Variants in TG observed in about 807,000 individuals in gnomAD.
TG encodes the protein thyroid hormones.
A neutral mutation model predicts 324.7 loss-of-function variants in TG; 270 were observed. The ratio of observed to expected loss-of-function variants is 0.83; its 90% CI spans 0.75 to 0.92. The LOEUF (loss-of-function observed/expected upper bound fraction) is 0.92, where lower values mean the gene tolerates loss of function less well. TG is among the 40% of genes least tolerant of loss of function. TG has a pLI of 0.00. For synonymous variants in TG, 1,401 were observed against 1,327.0 expected (o/e 1.06, Z -1.21); for missense variants, 3,591 against 3,456.4 (o/e 1.04, Z -0.98).
intron 17 of TG, 143 bp from the exon 18 acceptor site, chr8:132,908,043 G>C (rs1818938400): frequency 3.2e-6 from 3 of 938,116 alleles, no homozygotes; most frequent in Non-Finnish European, 5.0e-6. Context: ...AAAGTACTTA[G>C]ACTCAGAATG....
chr8:133,052,440 C>T (rs1840587339), intron 41 of TG, among the ~76,000 whole-genome samples: 1 of 152,166 alleles, frequency 6.6e-6, no homozygotes, highest in Admixed American at 6.5e-5. Context: ...GGGATCAGGG[C>T]TTTTGAGAAA....
At position 132,893,921 on chromosome 8, in the gene TG, C is replaced by A. The variant is rs1238833095; in HGVS notation, c.2993C>A (p.Ala998Asp). The change falls in exon 11 of 48, where the codon GCT becomes GAT. Residue 998 changes from alanine (A) to aspartate (D), a missense_variant. Transcript: ENST00000220616. The stretch of plus-strand genomic sequence containing the variant: ...AGTGATTACGCCATTCGCCTGGCGG[C>A]TCAGTCTAGTGAGTGTGGTGCCCTT... ...RGSDYAIRLA[A>D]QSTLSFYQRR... is the part of the protein sequence containing the mutation. 1.9e-6 allele frequency: 3 copies of A among 1,613,906 alleles called. No homozygotes were observed. In the African/African-American group the frequency reaches 4.0e-5, roughly 22 times the overall value.
At position 133,039,045 on chromosome 8, in the gene TG, T is replaced by G. The variant is rs993185838; in HGVS notation, c.7239+9022T>G. On this transcript the variant is annotated intron_variant, in intron 41 of 47. Coordinates refer to ENST00000220616, the MANE Select transcript of TG (RefSeq NM_003235.5). ...ACCATCCACCACCACGCCCAGCTAATTTTTTGTATTTTGAGTAGAGACAGG... is the reference window on the plus strand; with the variant it reads ...ACCATCCACCACCACGCCCAGCTAAGTTTTTGTATTTTGAGTAGAGACAGG... Among the ~76,000 whole-genome samples, 32 of 151,978 alleles carry G rather than the reference T, an allele frequency of 2.1e-4. 1 individual carries two copies. Among genetic ancestry groups the G allele is most frequent in the Non-Finnish European group, 4.6e-4 (31 of 67,960 alleles).
In TG at chr8:132,911,409, T is replaced by C. The variant is rs768024686; in HGVS notation, c.4035T>C (p.Pro1345=). ...CTTTTGGCACCCTGGTTTCCATTCC[T>C]GTCTGCAACAACTCCTCTGTGCAGG... ...VKTFGTLVSI[P]VCNNSSVQVG... The change falls in exon 19 of 48, where the codon CCT becomes CCC. Residue 1345 remains proline (P), a synonymous_variant. Coordinates refer to ENST00000220616, the MANE Select transcript of TG (RefSeq NM_003235.5). The C allele has an allele frequency of 6.2e-7, 1 of 1,614,242 alleles. No homozygotes were observed. Among genetic ancestry groups the C allele is most frequent in the South Asian group, 1.1e-5 (1 of 91,088 alleles).
At chr8:132,921,067 A>G (rs1303838864) in intron 21 of TG, among the ~76,000 whole-genome samples, 1 of 152,180 alleles carries the variant, frequency 6.6e-6, no homozygotes. Flanking sequence ...AAAGAGAGAA[A>G]AATCTCCTGT....
chr8:133,134,619 CAGAGA>C, intron 47 of TG, 52 bp from the exon 48 acceptor site: 1 of 1,461,366 alleles, frequency 6.8e-7, no homozygotes, highest in Non-Finnish European at 9.6e-7. Flanking sequence ...AGGAAGGGAC[CAGAGA>C]AGAGAAGTCC....
At chr8:133,045,061 C>G (rs374316806) in intron 41 of TG, 1 of 1,614,150 alleles carries the variant, frequency 6.2e-7, no homozygotes. Context: ...GTTGGGCAGA[C>G]GGAAAATGCG....
intron 37 of TG, among the ~76,000 whole-genome samples, chr8:133,017,371 A>G (rs1455233729): frequency 6.7e-6 from 1 of 150,060 alleles, no homozygotes; most frequent in African/African-American, 2.5e-5. Context: ...TGAGTAACCC[A>G]CACATCTCAC....
At chr8:132,878,608 C>CAA (rs546557476) in intron 5 of TG, among the ~76,000 whole-genome samples, 1 of 74,698 alleles carries the variant, frequency 1.3e-5, no homozygotes, top group African/African-American at 5.1e-5. Flanking sequence ...GACTCTGTCT[C>CAA]AAAAAAAAAA....
intron 40 of TG, among the ~76,000 whole-genome samples, chr8:133,023,321 G>A (rs1234711436): frequency 1.3e-5 from 2 of 151,962 alleles, no homozygotes; most frequent in Non-Finnish European, 2.9e-5. Flanking sequence ...TTTTTTTGAT[G>A]GGGAGCAGGG....
chr8:132,963,444 T>C (rs1487591151), intron 29 of TG, among the ~76,000 whole-genome samples: 1 of 152,204 alleles, frequency 6.6e-6, no homozygotes, highest in Non-Finnish European at 1.5e-5. Flanking sequence ...AATTGTTTCA[T>C]GAATGACATG....
intron 43 of TG, among the ~76,000 whole-genome samples, chr8:133,111,611 A>G (rs967626403): frequency 6.6e-6 from 1 of 152,106 alleles, no homozygotes; most frequent in Non-Finnish European, 1.5e-5. Flanking sequence ...TAGAATGGAA[A>G]CTCTCAGATG....
At chr8:133,059,966 G>A (rs926095998) in intron 41 of TG, 1 of 882,430 alleles carries the variant, frequency 1.1e-6, no homozygotes, top group Admixed American at 2.9e-5. Context: ...AACAAAACTA[G>A]AGAGACAGAT....
rs1475384202 is a variant in TG, at chr8:132,969,575, C to CT, written c.5975+7dup. On this transcript the variant is annotated splice_region_variant and intron_variant, in intron 32 of 47. Coordinates refer to ENST00000220616, the MANE Select transcript of TG (RefSeq NM_003235.5). The stretch of plus-strand genomic sequence containing the variant: ...GAAAAATCTATTTCTAATGGGTAAG[C>CT]TACTTGTGTCTCACCCCTAATGTTT... The CT allele has an allele frequency of 1.3e-6, 2 of 1,507,846 alleles. No individual in the cohort carries two copies. Among genetic ancestry groups the CT allele is most frequent in the African/African-American group, 2.8e-5 (2 of 72,318 alleles). The allele number at this position is 1,507,846 out of a possible 1,614,324, so 93.4% of individuals were successfully genotyped here. A position where few individuals can be genotyped will look rare whatever the true frequency, so the allele number is the denominator to read the frequency against.
At chr8:133,067,739 G>A (rs1375766789) in intron 41 of TG, among the ~76,000 whole-genome samples, 1 of 151,618 alleles carries the variant, frequency 6.6e-6, no homozygotes, top group African/African-American at 2.4e-5. Context: ...TCGCACCGCT[G>A]CACATTCCAG....
intron 41 of TG, among the ~76,000 whole-genome samples, chr8:133,039,034 C>A (rs554772700): frequency 6.6e-6 from 1 of 152,154 alleles, no homozygotes; most frequent in Admixed American, 6.5e-5. Context: ...TCCACCACCA[C>A]GCCCAGCTAA....
intron 23 of TG, among the ~76,000 whole-genome samples, chr8:132,930,889 G>A (rs1006296742): frequency 6.6e-6 from 1 of 152,286 alleles, no homozygotes; most frequent in Admixed American, 6.5e-5. Flanking sequence ...CATCAAGGAG[G>A]TCCAGCAAGA....
At chr8:133,060,302 C>T (rs1218970887) in intron 41 of TG, 3 of 1,569,680 alleles carry the variant, frequency 1.9e-6, no homozygotes, top group Non-Finnish European at 2.6e-6. Context: ...TTTCTGGCAG[C>T]TTGCTTCTTG....
rs1815489515 is a variant in TG, at chr8:132,886,805, T to C, written c.1433T>C (p.Val478Ala). 1 of 1,614,076 alleles carries C rather than the reference T, an allele frequency of 6.2e-7. No individual in the cohort carries two copies. Residue 478 changes from valine (V) to alanine (A), a missense_variant, in exon 9 of 48, where the codon GTG becomes GCG. Val to Ala is a moderately conservative substitution (Grantham distance 64). Transcript: ENST00000220616. ...QQNLFGGKFL[V>A]NVGQFNLSGA... ...AACCTTTTTGGAGGGAAATTTTTGG[T>C]GAATGTTGGCCAGTTTAACTTGTCT... is the stretch of plus-strand genomic sequence containing the variant.
Sources: allele counts gnomAD v4.1 joint callset (sites outside exome capture counted in the v4.1 genomes callset), GRCh38; gene constraint gnomAD v4.1.1; transcripts MANE v1.5; gene names NCBI Gene and HGNC (gene_info 2026-07-23, HGNC 2026-07-21).